MPP7: variants seen among roughly 807,000 people sequenced by gnomAD.
The protein encoded by MPP7 is MAGUK p55 subfamily member 7.
In MPP7, 60 loss-of-function variants were observed where a neutral mutation model predicts 76.5. That is an observed-to-expected ratio of 0.78 (90% CI 0.64 to 0.97). MPP7 has a LOEUF of 0.97. MPP7 is among the 50% of genes least tolerant of loss of function. MPP7 has a pLI of 0.00. For synonymous variants in MPP7, 237 were observed against 244.5 expected (o/e 0.97, Z 0.29); for missense variants, 641 against 694.0 (o/e 0.92, Z 0.86).
chr10:28,246,749 G>A (rs1839447390), intron 1 of MPP7, among the ~76,000 whole-genome samples: 1 of 152,014 alleles, frequency 6.6e-6, no homozygotes, highest in South Asian at 2.1e-4. Context: ...AGAGCATGGT[G>A]GAAACCACCA....
At chr10:28,128,962 T>C (rs1564646813) in intron 6 of MPP7, among the ~76,000 whole-genome samples, 1 of 152,220 alleles carries the variant, frequency 6.6e-6, no homozygotes, top group African/African-American at 2.4e-5. Context: ...AGTGCCCTGA[T>C]AGAATCTTCT....
intron 11 of MPP7, chr10:28,118,897 G>A (rs746264811): frequency 1.0e-5 from 10 of 985,196 alleles, no homozygotes; most frequent in African/African-American, 5.2e-5. Flanking sequence ...TGGTCATTTC[G>A]CTGTTTAATG....
intron 13 of MPP7, among the ~76,000 whole-genome samples, chr10:28,061,164 A>T (rs78238318): frequency 1.3e-5 from 2 of 152,082 alleles, no homozygotes; most frequent in Admixed American, 1.3e-4. Flanking sequence ...AAAAACAAAA[A>T]AAAACAAAAC....
chr10:28,056,990 A>G (rs948429491), intron 15 of MPP7, among the ~76,000 whole-genome samples: 1 of 152,140 alleles, frequency 6.6e-6, no homozygotes, highest in Admixed American at 6.5e-5. Context: ...TTCAGGCAGG[A>G]GTTCTCCTCT....
chr10:28,264,114 T>C (rs530650251), intron 1 of MPP7, among the ~76,000 whole-genome samples: 28 of 152,082 alleles, frequency 1.8e-4, no homozygotes, highest in Admixed American at 2.6e-4. Context: ...CTGGACAACA[T>C]AGGGAGACCC....
chr10:28,055,601 T>C (rs922397890), intron 16 of MPP7, among the ~76,000 whole-genome samples: 1 of 152,184 alleles, frequency 6.6e-6, no homozygotes, highest in Non-Finnish European at 1.5e-5. Context: ...ATAACACTCA[T>C]AGAAAATACA....
At chr10:28,080,625 T>G (rs1267947777) in intron 12 of MPP7, among the ~76,000 whole-genome samples, 1 of 152,238 alleles carries the variant, frequency 6.6e-6, no homozygotes, top group Non-Finnish European at 1.5e-5. Context: ...GTGCCTGGCA[T>G]AGCTGGTACA....
In MPP7 at chr10:28,282,099, T is replaced by A. The variant is rs1840691851; in HGVS notation, c.-132+20762A>T. 3 of 152,154 alleles carry A rather than the reference T, an allele frequency of 2.0e-5. No homozygotes were observed. In the South Asian group the frequency reaches 6.2e-4, roughly 31 times the overall value. 9.4% of individuals were successfully genotyped at this position (152,154 alleles called of 1,614,324 possible). ...AGAACCTGCTGTTTATGAACATTCC[T>A]GTAAAAGGAAGTGCACAGGTGGTTC... is the stretch of plus-strand genomic sequence containing the variant. On this transcript the variant is annotated intron_variant, in intron 1 of 16. Transcript: ENST00000683449.
intron 3 of MPP7, among the ~76,000 whole-genome samples, chr10:28,156,344 G>A (rs542811790): frequency 5.3e-5 from 8 of 152,166 alleles, no homozygotes; most frequent in South Asian, 2.1e-4. Context: ...TCCCCTGCTC[G>A]CTTCCACTGG....
intron 13 of MPP7, among the ~76,000 whole-genome samples, chr10:28,066,763 G>A (rs552482196): frequency 3.3e-5 from 5 of 152,190 alleles, no homozygotes; most frequent in South Asian, 2.1e-4. Flanking sequence ...ATGAAATCAC[G>A]CTGCCTCATT....
chr10:28,106,577 A>T (rs1027666798), intron 11 of MPP7, among the ~76,000 whole-genome samples: 1 of 152,230 alleles, frequency 6.6e-6, no homozygotes, highest in South Asian at 2.1e-4. Flanking sequence ...GCTTTGAATC[A>T]TTTACAGTTA....
intron 2 of MPP7, among the ~76,000 whole-genome samples, chr10:28,223,058 C>T (rs1307853486): frequency 3.3e-5 from 5 of 151,256 alleles, no homozygotes; most frequent in African/African-American, 4.9e-5. Flanking sequence ...CGCTTGAACC[C>T]GGGAGGCAGA....
At chr10:28,295,752 T>C (rs529501010) in intron 1 of MPP7, among the ~76,000 whole-genome samples, 2 of 152,376 alleles carry the variant, frequency 1.3e-5, no homozygotes, top group East Asian at 3.9e-4. Context: ...ACACCTGCCG[T>C]GTACGGCATC....
At chr10:28,151,298 TA>T (rs1835875947) in intron 3 of MPP7, among the ~76,000 whole-genome samples, 1 of 152,222 alleles carries the variant, frequency 6.6e-6, no homozygotes, top group Non-Finnish European at 1.5e-5. Context: ...TTGGAAATTT[TA>T]AAGATGTATC....
At chr10:28,232,676 C>A (rs1838929276) in intron 2 of MPP7, among the ~76,000 whole-genome samples, 2 of 152,174 alleles carry the variant, frequency 1.3e-5, no homozygotes, top group African/African-American at 4.8e-5. Context: ...TTATAAAGTT[C>A]AACCAGCAAA....
At chr10:28,334,208 A>G (rs202215535) in intron 1 of MPP7, among the ~76,000 whole-genome samples, 75 of 147,690 alleles carry the variant, frequency 5.1e-4, no homozygotes, top group African/African-American at 1.7e-3. Context: ...CTAAAAAAAG[A>G]AAAAAAAAAT....
intron 3 of MPP7, among the ~76,000 whole-genome samples, chr10:28,198,594 AAAAG>A (rs1011152518): frequency 1.2e-4 from 18 of 152,040 alleles, no homozygotes; most frequent in African/African-American, 4.1e-4. Flanking sequence ...AAAAAAAAAA[AAAAG>A]AAAGAAAGAA....
At chr10:28,157,197 G>A (rs1365295855) in intron 3 of MPP7, among the ~76,000 whole-genome samples, 4 of 152,078 alleles carry the variant, frequency 2.6e-5, no homozygotes, top group Non-Finnish European at 5.9e-5. Context: ...GCAGCAGGGC[G>A]AGACTTGGTC....
intron 1 of MPP7, among the ~76,000 whole-genome samples, chr10:28,244,437 G>A (rs768726623): frequency 2.0e-5 from 3 of 152,008 alleles, no homozygotes; most frequent in South Asian, 2.1e-4. Context: ...CTTACAACTG[G>A]CCAAGTATTA....
Sources: gnomAD v4.1 joint callset for allele counts (sites outside exome capture counted in the v4.1 genomes callset) on GRCh38, gnomAD v4.1.1 for gene constraint, MANE v1.5 for transcripts, NCBI Gene and HGNC (gene_info 2026-07-23, HGNC 2026-07-21) for gene names.